Variants in FOXP2 observed in about 807,000 individuals in gnomAD.
FOXP2 encodes forkhead box protein P2.
Under a neutral mutation model 115.8 loss-of-function variants are expected in FOXP2, and 12 were observed. That is an observed-to-expected ratio of 0.10 (90% confidence interval 0.07 to 0.17). The LOEUF (loss-of-function observed/expected upper bound fraction) is 0.17. Among genes scored for constraint, FOXP2 ranks in the 10% least tolerant of loss-of-function variants. The probability of loss-of-function intolerance (pLI) is 1.00; values close to 1 mark genes in which losing one functional copy is unlikely to be tolerated. For synonymous variants in FOXP2, 328 were observed against 297.7 expected, an observed-to-expected ratio of 1.10 and a Z score of -1.05; for missense variants, 629 against 843.5, an observed-to-expected ratio of 0.75 and a Z score of 3.15.
At chr7:114,648,764 C>T (rs535176294) in intron 8 of FOXP2, among the ~76,000 whole-genome samples, 1 of 152,160 alleles carries the variant, frequency 6.6e-6, no homozygotes. Flanking sequence ...GTCAGTCGAC[C>T]ACATCATTTA....
At chr7:114,143,131 G>T (rs961714471) in intron 1 of FOXP2, among the ~76,000 whole-genome samples, 10 of 147,740 alleles carry the variant, frequency 6.8e-5, no homozygotes, top group Non-Finnish European at 1.0e-4. Flanking sequence ...CTGGGGGACA[G>T]AGCAAGACCC....
chr7:114,098,030 T>C (rs1799687686), intron 1 of FOXP2, among the ~76,000 whole-genome samples: 1 of 152,198 alleles, frequency 6.6e-6, no homozygotes, highest in African/African-American at 2.4e-5. Context: ...AAGCAGTCTT[T>C]GTCAAATTGC....
chr7:114,484,197 CA>C (rs1166900244), intron 2 of FOXP2, among the ~76,000 whole-genome samples: 1 of 151,742 alleles, frequency 6.6e-6, no homozygotes, highest in Non-Finnish European at 1.5e-5. Context: ...GTTGCAGTGA[CA>C]TTTTTTAAGT....
intron 3 of FOXP2, among the ~76,000 whole-genome samples, chr7:114,619,631 A>T (rs1414268360): frequency 6.6e-6 from 1 of 152,046 alleles, no homozygotes; most frequent in Non-Finnish European, 1.5e-5. Context: ...TAAAATTTGC[A>T]GTAGTGGAAT....
chr7:114,570,176 A>G (rs1309372143), intron 3 of FOXP2, among the ~76,000 whole-genome samples: 2 of 151,932 alleles, frequency 1.3e-5, no homozygotes, highest in Non-Finnish European at 2.9e-5. Flanking sequence ...TATACATTTG[A>G]GTATATAGAG....
At chr7:114,559,973 A>T (rs1800683125) in intron 3 of FOXP2, among the ~76,000 whole-genome samples, 1 of 152,204 alleles carries the variant, frequency 6.6e-6, no homozygotes, top group Admixed American at 6.5e-5. Flanking sequence ...AATATGAAGT[A>T]CTTTAAAATC....
intron 1 of FOXP2, among the ~76,000 whole-genome samples, chr7:114,248,904 T>C (rs888849951): frequency 3.9e-5 from 6 of 152,228 alleles, no homozygotes; most frequent in African/African-American, 1.4e-4. Flanking sequence ...GGGCTAAGTG[T>C]TCTTTTCCAG....
intron 2 of FOXP2, among the ~76,000 whole-genome samples, chr7:114,338,408 A>T (rs1340430241): frequency 6.6e-6 from 1 of 150,928 alleles, no homozygotes; most frequent in East Asian, 1.9e-4. Flanking sequence ...ACTATTTTCA[A>T]CTATATTATT....
chr7:114,585,409 G>T (rs1202987467), intron 3 of FOXP2, among the ~76,000 whole-genome samples: 1 of 152,116 alleles, frequency 6.6e-6, no homozygotes, highest in African/African-American at 2.4e-5. Flanking sequence ...AACAAAGTGT[G>T]TTCTATGGGC....
intron 1 of FOXP2, among the ~76,000 whole-genome samples, chr7:114,133,896 G>T (rs560539625): frequency 6.6e-6 from 1 of 152,238 alleles, no homozygotes; most frequent in Non-Finnish European, 1.5e-5. Context: ...CCAGGAGCTA[G>T]GGCCATGTCC....
At chr7:114,674,336 G>A (rs1041147386) in intron 16 of FOXP2, among the ~76,000 whole-genome samples, 4 of 152,170 alleles carry the variant, frequency 2.6e-5, no homozygotes, top group South Asian at 2.1e-4. Flanking sequence ...AAACTATACA[G>A]TTAATATGGA....
intron 1 of FOXP2, among the ~76,000 whole-genome samples, chr7:114,095,007 GAA>G (rs1256251419): frequency 1.3e-5 from 2 of 152,080 alleles, no homozygotes; most frequent in African/African-American, 4.8e-5. Context: ...TTGCGAGTAG[GAA>G]ATTTTACATT....
chr7:114,424,379 ATAACT>A (rs2129204060), intron 1 of FOXP2, among the ~76,000 whole-genome samples: 1 of 151,646 alleles, frequency 6.6e-6, no homozygotes, highest in South Asian at 2.1e-4. Flanking sequence ...AATATTTCAA[ATAACT>A]TAGGTGATGA....
At chr7:114,379,990 A>G (rs1792245149) in intron 2 of FOXP2, among the ~76,000 whole-genome samples, 1 of 152,166 alleles carries the variant, frequency 6.6e-6, no homozygotes, top group Non-Finnish European at 1.5e-5. Context: ...CCTGCTGAGT[A>G]CTAGGGCTTG....
intron 2 of FOXP2, among the ~76,000 whole-genome samples, chr7:114,340,875 T>C (rs980722295): frequency 4.6e-5 from 7 of 151,144 alleles, no homozygotes; most frequent in African/African-American, 1.7e-4. Context: ...TGTGTTTGGA[T>C]GGATTATCTT....
At chr7:114,171,235 T>C (rs150916552) in intron 1 of FOXP2, among the ~76,000 whole-genome samples, 463 of 152,304 alleles carry the variant, frequency 3.0e-3, no homozygotes, top group African/African-American at 0.011. Flanking sequence ...TGTTGAGGCC[T>C]CCTGCTCAGG....
intron 2 of FOXP2, among the ~76,000 whole-genome samples, chr7:114,465,462 A>C (rs576097399): frequency 6.6e-6 from 1 of 152,310 alleles, no homozygotes; most frequent in South Asian, 2.1e-4. Flanking sequence ...ATTAGAGCCC[A>C]TTTTATTTGA....
At chr7:114,362,576 A>G (rs1200836407) in intron 2 of FOXP2, among the ~76,000 whole-genome samples, 1 of 152,100 alleles carries the variant, frequency 6.6e-6, no homozygotes. Context: ...GATGAGCTCA[A>G]GGGGCATATT....
intron 3 of FOXP2, among the ~76,000 whole-genome samples, chr7:114,549,084 A>G (rs1251530003): frequency 6.6e-6 from 1 of 152,172 alleles, no homozygotes; most frequent in Non-Finnish European, 1.5e-5. Flanking sequence ...GCAAAAATTG[A>G]TACTTGTGGG....
Sources: gnomAD v4.1 joint callset for allele counts (sites outside exome capture counted in the v4.1 genomes callset) on GRCh38, gnomAD v4.1.1 for gene constraint, MANE v1.5 for transcripts, NCBI Gene and HGNC (gene_info 2026-07-23, HGNC 2026-07-21) for gene names.